The following ANGPT2 variants were observed in gnomAD, a reference collection of about 807,000 sequenced individuals.
ANGPT2 encodes the protein angiopoietin 2, also known as angiopoietin-2.
A neutral mutation model predicts 62.9 loss-of-function variants in ANGPT2; 28 were observed. The ratio of observed to expected loss-of-function variants is 0.44; its 90% CI spans 0.33 to 0.61. The LOEUF is 0.61. Among genes scored for constraint, ANGPT2 ranks in the 20% least tolerant of loss-of-function variants. ANGPT2 has a pLI of 0.03. For synonymous variants in ANGPT2, 284 were observed against 207.8 expected (o/e 1.37, Z -3.15); for missense variants, 727 against 594.9 (o/e 1.22, Z -2.31).
intron 1 of ANGPT2, among the ~76,000 whole-genome samples, chr8:6,536,726 G>T (rs891105850): frequency 1.3e-5 from 2 of 152,084 alleles, no homozygotes; most frequent in African/African-American, 4.8e-5. Flanking sequence ...AAATCACCAC[G>T]TATCAAGGAT....
At chr8:6,532,517 A>G (rs757965357) in intron 1 of ANGPT2, 30 bp from the exon 2 acceptor site, 4 of 1,538,066 alleles carry the variant, frequency 2.6e-6, no homozygotes, top group East Asian at 2.4e-5. Context: ...GAAGGCAGTC[A>G]TTAGTCAAAT....
chr8:6,508,347 C>T (rs538628287), intron 8 of ANGPT2: 1 of 153,706 alleles, frequency 6.5e-6, no homozygotes, highest in Admixed American at 6.5e-5. Context: ...ACTGGGGAGG[C>T]TGAGGCAGGA....
intron 1 of ANGPT2, among the ~76,000 whole-genome samples, chr8:6,537,857 C>T (rs1052292738): frequency 1.3e-5 from 2 of 152,058 alleles, no homozygotes; most frequent in Non-Finnish European, 2.9e-5. Flanking sequence ...GATTTCTCAC[C>T]AACTGTAGAT....
At chr8:6,514,913 A>G in intron 5 of ANGPT2, 135 bp from the exon 6 acceptor site, 1 of 653,734 alleles carries the variant, frequency 1.5e-6, no homozygotes, top group Non-Finnish European at 2.7e-6. Flanking sequence ...CACGGAGTAG[A>G]CCATCGGGGT....
At chr8:6,518,433 G>C (rs1456573495) in intron 5 of ANGPT2, among the ~76,000 whole-genome samples, 1 of 152,150 alleles carries the variant, frequency 6.6e-6, no homozygotes, top group African/African-American at 2.4e-5. Flanking sequence ...TGGCTTCTAG[G>C]GCGTTAGGGA....
chr8:6,542,885 G>C (rs1821867068), intron 1 of ANGPT2, among the ~76,000 whole-genome samples: 1 of 152,176 alleles, frequency 6.6e-6, no homozygotes, highest in Non-Finnish European at 1.5e-5. Flanking sequence ...GCGAAACTTA[G>C]ATGATTTTCT....
intron 2 of ANGPT2, among the ~76,000 whole-genome samples, chr8:6,530,406 G>A (rs1391731267): frequency 1.3e-5 from 2 of 151,590 alleles, no homozygotes; most frequent in Non-Finnish European, 2.9e-5. Context: ...CTACGCGGGA[G>A]GCTAAGGCAC....
chr8:6,519,785 C>G, intron 5 of ANGPT2, 79 bp downstream of exon 5: 12 of 1,530,358 alleles, frequency 7.8e-6, no homozygotes, highest in South Asian at 3.7e-5. Context: ...TGGGGAGAGA[C>G]TTCTGCTCTC....
chr8:6,524,442 A>C (rs1196242551), intron 3 of ANGPT2, among the ~76,000 whole-genome samples: 3 of 152,184 alleles, frequency 2.0e-5, no homozygotes, highest in Non-Finnish European at 4.4e-5. Flanking sequence ...CGGCCATTTA[A>C]CACTGCTGTG....
At chr8:6,518,461 G>A (rs1056505268) in intron 5 of ANGPT2, among the ~76,000 whole-genome samples, 1 of 152,108 alleles carries the variant, frequency 6.6e-6, no homozygotes, top group Non-Finnish European at 1.5e-5. Flanking sequence ...TAATTTTCAG[G>A]GTTGATTTAA....
At position 6,539,201 on chromosome 8, in the gene ANGPT2, C is replaced by A. The variant is rs1372637784; in HGVS notation, c.289-6714G>T. 2.6e-5 allele frequency among the ~76,000 whole-genome samples: 4 copies of A among 152,352 alleles called. No homozygotes were observed. In the East Asian group the frequency reaches 7.7e-4, roughly 29 times the overall value. ...CTCGCCAGAGCCTGGGGGGTAGGCA[C>A]AGTACCCACAGTGAGAGGTGATGTT... On this transcript the variant is annotated intron_variant, in intron 1 of 8. Transcript: ENST00000629816.
rs1817541292 is a variant in ANGPT2, at chr8:6,522,455, A to G, written c.567-1045T>C. Among the ~76,000 whole-genome samples the G allele has an allele frequency of 3.3e-5, 5 of 151,738 alleles. No individual in the cohort carries two copies. The South Asian group carries it at 1.0e-3, about 31-fold the overall frequency. On this transcript the variant is annotated intron_variant, in intron 3 of 8. Transcript: ENST00000629816. ...CGTTAATATAGACATTATTATTCCC[A>G]TTTCCAATGAGGAAATTGAAACTTA...
chr8:6,503,687 A>AT (rs1327714781), intron 8 of ANGPT2, among the ~76,000 whole-genome samples: 2 of 152,130 alleles, frequency 1.3e-5, no homozygotes, highest in Non-Finnish European at 2.9e-5. Flanking sequence ...CTATTAAATG[A>AT]TTTTTTCGGT....
intron 3 of ANGPT2, among the ~76,000 whole-genome samples, chr8:6,525,130 A>AT (rs1274020375): frequency 6.6e-6 from 1 of 152,264 alleles, no homozygotes; most frequent in African/African-American, 2.4e-5. Flanking sequence ...TGCAAACAAT[A>AT]TTAACCAGCC....
intron 2 of ANGPT2, among the ~76,000 whole-genome samples, chr8:6,531,779 G>A (rs1819565768): frequency 1.6e-5 from 2 of 128,596 alleles, no homozygotes; most frequent in Non-Finnish European, 3.4e-5. Context: ...CCATGGCAGC[G>A]CTCAGGGCTC....
At chr8:6,553,539 C>G (rs942992913) in intron 1 of ANGPT2, among the ~76,000 whole-genome samples, 2 of 152,168 alleles carry the variant, frequency 1.3e-5, no homozygotes, top group Admixed American at 6.5e-5. Flanking sequence ...CAAGATACCT[C>G]TTATTTTGGT....
chr8:6,530,201 C>T (rs1300173019), intron 2 of ANGPT2, among the ~76,000 whole-genome samples: 1 of 151,930 alleles, frequency 6.6e-6, no homozygotes, highest in African/African-American at 2.4e-5. Context: ...TAGGTTGGTG[C>T]AATTTTGCCA....
intron 8 of ANGPT2, 86 bp from the exon 9 acceptor site, chr8:6,503,347 G>A (rs1812579661): frequency 9.7e-6 from 14 of 1,439,978 alleles, no homozygotes; most frequent in Non-Finnish European, 1.4e-5. Flanking sequence ...TAAGGCAGGA[G>A]GCACACTGCA....
intron 1 of ANGPT2, among the ~76,000 whole-genome samples, chr8:6,540,281 G>A (rs772604094): frequency 1.6e-4 from 24 of 152,042 alleles, no homozygotes; most frequent in Non-Finnish European, 3.4e-4. Context: ...ATTTGATAAG[G>A]AAATGTGCTT....
Sources: allele counts gnomAD v4.1 joint callset (sites outside exome capture counted in the v4.1 genomes callset), GRCh38; gene constraint gnomAD v4.1.1; transcripts MANE v1.5; gene names NCBI Gene and HGNC (gene_info 2026-07-23, HGNC 2026-07-21).